ANKS1B: variants seen among roughly 807,000 people sequenced by gnomAD.
The protein encoded by ANKS1B is ankyrin repeat and sterile alpha motif domain containing 1B.
A neutral mutation model predicts 148.3 loss-of-function variants in ANKS1B; 36 were observed. The ratio of observed to expected loss-of-function variants is 0.24; its 90% CI spans 0.19 to 0.32. ANKS1B has a LOEUF of 0.32. Among genes scored for constraint, ANKS1B ranks in the 10% least tolerant of loss-of-function variants. The pLI is 1.00. For synonymous variants in ANKS1B, 542 were observed against 560.8 expected (o/e 0.97, Z 0.47); for missense variants, 1,157 against 1,542.6 (o/e 0.75, Z 4.19).
At chr12:99,907,698 A>G (rs2093835453) in intron 1 of ANKS1B, among the ~76,000 whole-genome samples, 1 of 151,568 alleles carries the variant, frequency 6.6e-6, no homozygotes, top group African/African-American at 2.4e-5. Flanking sequence ...TTTTGTTTTC[A>G]TACTCTTCTT....
chr12:99,977,106 G>A (rs1235319663), intron 1 of ANKS1B, among the ~76,000 whole-genome samples: 1 of 152,046 alleles, frequency 6.6e-6, no homozygotes, highest in Non-Finnish European at 1.5e-5. Context: ...TACATGCAGA[G>A]CCCTCATGGC....
intron 8 of ANKS1B, among the ~76,000 whole-genome samples, chr12:99,686,483 C>T (rs1179722653): frequency 6.6e-6 from 1 of 152,160 alleles, no homozygotes; most frequent in Non-Finnish European, 1.5e-5. Flanking sequence ...CTCTGAACCT[C>T]TTCTGGTTCT....
At chr12:99,429,912 C>T (rs1226899106) in intron 11 of ANKS1B, among the ~76,000 whole-genome samples, 1 of 151,854 alleles carries the variant, frequency 6.6e-6, no homozygotes, top group Non-Finnish European at 1.5e-5. Flanking sequence ...TGCAGTGAGC[C>T]AAGATCGTGT....
chr12:99,252,935 C>A (rs1311482353), intron 12 of ANKS1B, among the ~76,000 whole-genome samples: 1 of 152,056 alleles, frequency 6.6e-6, no homozygotes, highest in Non-Finnish European at 1.5e-5. Flanking sequence ...TATAATGGGG[C>A]AGTAGGGGCC....
chr12:98,935,196 T>A (rs956685611), intron 17 of ANKS1B, among the ~76,000 whole-genome samples: 1 of 152,208 alleles, frequency 6.6e-6, no homozygotes, highest in African/African-American at 2.4e-5. Flanking sequence ...TCAAAGGATG[T>A]TGAATTTTGT....
chr12:99,771,522 C>A (rs1010907501), intron 8 of ANKS1B, among the ~76,000 whole-genome samples: 1 of 151,960 alleles, frequency 6.6e-6, no homozygotes, highest in African/African-American at 2.4e-5. Flanking sequence ...AACTAACTTT[C>A]AAGGAAATAT....
chr12:99,534,270 G>C (rs908784372), intron 9 of ANKS1B, among the ~76,000 whole-genome samples: 51 of 152,216 alleles, frequency 3.4e-4, no homozygotes, highest in African/African-American at 1.2e-3. Context: ...AGTGCTCATA[G>C]GGGAAGGATA....
rs1295938669 is a variant in ANKS1B, at chr12:99,522,516, A to G, written c.1273-17875T>C. On this transcript the variant is annotated intron_variant, in intron 9 of 26. Coordinates refer to ENST00000683438, the MANE Select transcript of ANKS1B (RefSeq NM_001352186.2). ...TAAGAAATCTATATAATAAGCGTTC[A>G]TACGTTGTTTACACTGTGTTTTCTA... Among the ~76,000 whole-genome samples, 5 of 152,314 alleles carry G rather than the reference A, an allele frequency of 3.3e-5. No homozygotes were observed. In the East Asian group the frequency reaches 5.8e-4, roughly 18 times the overall value.
chr12:99,220,941 T>G (rs1034543037), intron 14 of ANKS1B, among the ~76,000 whole-genome samples: 1 of 152,186 alleles, frequency 6.6e-6, no homozygotes, highest in African/African-American at 2.4e-5. Context: ...AATAAGATTC[T>G]TATATAATCT....
intron 9 of ANKS1B, among the ~76,000 whole-genome samples, chr12:99,602,079 G>A (rs1685647480): frequency 6.6e-6 from 1 of 151,976 alleles, no homozygotes; most frequent in South Asian, 2.1e-4. Context: ...AGGGGAGCAG[G>A]CATAAAAAGG....
At chr12:99,304,665 T>A (rs1407995987) in intron 12 of ANKS1B, among the ~76,000 whole-genome samples, 2 of 152,236 alleles carry the variant, frequency 1.3e-5, no homozygotes, top group East Asian at 3.9e-4. Flanking sequence ...CACCCTGAAC[T>A]CATATATCAG....
At chr12:98,809,730 GC>G (rs2099079471) in intron 19 of ANKS1B, among the ~76,000 whole-genome samples, 1 of 152,042 alleles carries the variant, frequency 6.6e-6, no homozygotes, top group African/African-American at 2.4e-5. Context: ...AAAATCGTAA[GC>G]CCCCTCACCG....
intron 9 of ANKS1B, chr12:99,649,374 T>C: frequency 6.2e-7 from 1 of 1,614,078 alleles, no homozygotes. Context: ...GGTCCACCTA[T>C]TGTGATTATA....
At chr12:99,680,858 G>C (rs1479588110) in intron 8 of ANKS1B, among the ~76,000 whole-genome samples, 1 of 152,178 alleles carries the variant, frequency 6.6e-6, no homozygotes, top group Admixed American at 6.5e-5. Context: ...AGCTGAGTGA[G>C]GCCCGTCACT....
intron 17 of ANKS1B, among the ~76,000 whole-genome samples, chr12:98,958,722 T>C (rs745561104): frequency 9.2e-5 from 14 of 152,242 alleles, no homozygotes; most frequent in Non-Finnish European, 1.6e-4. Context: ...ATTTTAATTT[T>C]AAAGGATAAA....
chr12:99,448,299 T>C (rs1252880317), intron 10 of ANKS1B, among the ~76,000 whole-genome samples: 1 of 152,142 alleles, frequency 6.6e-6, no homozygotes, highest in Non-Finnish European at 1.5e-5. Context: ...GTTATCAGTA[T>C]AGATGAACCT....
chr12:99,844,251 C>T (rs1021480530), intron 1 of ANKS1B, among the ~76,000 whole-genome samples: 3 of 152,108 alleles, frequency 2.0e-5, no homozygotes, highest in Middle Eastern at 3.4e-3. Context: ...TAACTCGATC[C>T]TATTTGTCAA....
intron 9 of ANKS1B, chr12:99,648,338 A>G: frequency 6.2e-7 from 1 of 1,614,170 alleles, no homozygotes; most frequent in Non-Finnish European, 8.5e-7. Flanking sequence ...CAGATCAGCA[A>G]AAGAGGAGAA....
chr12:99,345,902 A>G (rs1237032205), intron 12 of ANKS1B, among the ~76,000 whole-genome samples: 2 of 152,020 alleles, frequency 1.3e-5, no homozygotes, highest in South Asian at 4.1e-4. Flanking sequence ...TCACAAAATT[A>G]GTTCATGCTT....
Sources: gnomAD v4.1 joint callset for allele counts (sites outside exome capture counted in the v4.1 genomes callset) on GRCh38, gnomAD v4.1.1 for gene constraint, MANE v1.5 for transcripts, NCBI Gene and HGNC (gene_info 2026-07-23, HGNC 2026-07-21) for gene names.